The following POLA1 variants were observed in gnomAD, a reference collection of about 807,000 sequenced individuals.
The protein encoded by POLA1 is DNA polymerase alpha catalytic subunit.
POLA1 carries 15 observed loss-of-function variants against 124.0 expected under a neutral mutation model. The observed-to-expected ratio is 0.12, with a 90% CI of 0.08 to 0.19. The LOEUF is 0.19. Among genes scored for constraint, POLA1 ranks in the 10% least tolerant of loss-of-function variants. POLA1 has a pLI of 1.00. For missense variants in POLA1, 886 were observed against 1,103.4 expected (o/e 0.80, Z 2.79); for synonymous variants, 408 against 389.4 (o/e 1.05, Z -0.56).
chrX:24,767,864 G>A (rs1328491778), intron 26 of POLA1, among the ~76,000 whole-genome samples: 1 of 112,122 alleles, frequency 8.9e-6, no homozygotes, highest in Non-Finnish European at 1.9e-5. Flanking sequence ...GACTTTGCTT[G>A]ATTGTGTGGC....
chrX:24,742,129 C>T lies in POLA1; in HGVS notation c.2466+8C>T. On this transcript the variant is annotated splice_region_variant and intron_variant, in intron 22 of 36. Coordinates refer to ENST00000379068, the MANE Select transcript of POLA1 (RefSeq NM_001330360.2). ...AAGCCTCAGCAAAAACTGGTGGGTCCAAAACTGTGTAGTATTTTGTTTTCT... is the reference window on the plus strand; with the variant it reads ...AAGCCTCAGCAAAAACTGGTGGGTCTAAAACTGTGTAGTATTTTGTTTTCT... 8.5e-7 allele frequency: 1 copy of T among 1,176,188 alleles called. No individual in the cohort carries two copies. The highest frequency in any genetic ancestry group is 1.1e-6 in the Non-Finnish European group (1 of 872,730).
At chrX:24,913,367 C>T (rs2047478264) in intron 35 of POLA1, among the ~76,000 whole-genome samples, 2 of 111,368 alleles carry the variant, frequency 1.8e-5, no homozygotes, top group South Asian at 7.6e-4. Context: ...GTGTTTGAAG[C>T]ATGGTGGGAC....
chrX:24,913,475 G>C (rs771467064), intron 35 of POLA1, among the ~76,000 whole-genome samples: 2 of 110,469 alleles, frequency 1.8e-5, no homozygotes, highest in East Asian at 5.7e-4. Context: ...ACTTTGGGAG[G>C]CCGAGGCGGG....
chrX:24,865,926 CTTTGA>C (rs1230251449), intron 34 of POLA1, among the ~76,000 whole-genome samples: 4 of 111,349 alleles, frequency 3.6e-5, no homozygotes, highest in Non-Finnish European at 7.6e-5. Flanking sequence ...ATGAAAAGAA[CTTTGA>C]TTTGATGAGC....
In POLA1 at chrX:24,748,272, A is replaced by G. The variant is rs755018881; in HGVS notation, c.2692-39A>G. The G allele has an allele frequency of 1.8e-5, 20 of 1,093,285 alleles. No homozygotes were observed. The Admixed American group carries it at 5.6e-4, about 30-fold the overall frequency. The allele number at this position is 1,093,285 out of a possible 1,213,427, so 90.1% of individuals were successfully genotyped here. A position where few individuals can be genotyped will look rare whatever the true frequency, so the allele number is the denominator to read the frequency against. Reference sequence around the variant, plus strand: ...TATTACTGTAGAAATTTATTTCGCAAAAGTTTGATTTGTGTGAAATTTGTT... The same window carrying G: ...TATTACTGTAGAAATTTATTTCGCAGAAGTTTGATTTGTGTGAAATTTGTT... On this transcript the variant is annotated intron_variant, in intron 24 of 36. Coordinates refer to ENST00000379068, the MANE Select transcript of POLA1 (RefSeq NM_001330360.2).
chrX:24,929,560 G>T (rs137975698), intron 35 of POLA1, among the ~76,000 whole-genome samples: 1 of 112,154 alleles, frequency 8.9e-6, no homozygotes, highest in African/African-American at 3.2e-5. Context: ...TCCCCAGCTC[G>T]CAAGTTTCCC....
At chrX:24,890,572 G>A (rs761889873) in intron 35 of POLA1, among the ~76,000 whole-genome samples, 37 of 112,019 alleles carry the variant, frequency 3.3e-4, no homozygotes, top group Non-Finnish European at 5.8e-4. Flanking sequence ...ATACAATATG[G>A]TCATGATTTA....
At chrX:24,929,285 A>G (rs2047738997) in intron 35 of POLA1, among the ~76,000 whole-genome samples, 1 of 112,062 alleles carries the variant, frequency 8.9e-6, no homozygotes. Flanking sequence ...TATTTACATG[A>G]TAGTCTGTGT....
chrX:24,931,486 A>G (rs182506315), intron 36 of POLA1, among the ~76,000 whole-genome samples: 4 of 112,019 alleles, frequency 3.6e-5, no homozygotes, highest in African/African-American at 1.3e-4. Flanking sequence ...AAGATAGGCT[A>G]GAAATTATTT....
rs1929840319 is a variant in POLA1 at position 24,716,385 on chromosome X, T to C, written c.549T>C (p.Pro183=). The C allele has an allele frequency of 3.4e-6, 4 of 1,175,810 alleles. No individual in the cohort carries two copies. In the African/African-American group the frequency reaches 5.3e-5, roughly 15 times the overall value. ...NTETPQITPP[P]VMILKKKRSI... is the part of the protein sequence containing the mutation. ...AGACACCTCAAATAACTCCACCACC[T>C]GTAATGATACTGAAGAAGAAAAGAT... Residue 183 remains proline, a synonymous_variant, in exon 7 of 37, where the codon CCT becomes CCC. Transcript: ENST00000379068.
chrX:24,727,581 G>C lies in POLA1; in HGVS notation c.1532-201G>C, dbSNP rs1416815103. ...TGAAAGCTATAGACCTCTTTCCCAG[G>C]AAAATGAACATATGTACACACACGT... On this transcript the variant is annotated intron_variant, in intron 14 of 36. Transcript: ENST00000379068. 1.8e-5 allele frequency among the ~76,000 whole-genome samples: 2 copies of C among 111,797 alleles called. 1 individual carries two copies. The highest frequency in any genetic ancestry group is 5.6e-4 in the East Asian group (2 of 3,600).
chrX:24,883,308 CTG>C (rs759385408), intron 34 of POLA1, among the ~76,000 whole-genome samples: 1 of 112,364 alleles, frequency 8.9e-6, no homozygotes, highest in Non-Finnish European at 1.9e-5. Flanking sequence ...TCTGTTTACT[CTG>C]TTGATAGTTT....
At chrX:24,775,169 G>A (rs1195092350) in intron 26 of POLA1, 2 of 111,025 alleles carry the variant, frequency 1.8e-5, no homozygotes, top group African/African-American at 6.6e-5. Context: ...TCCACTCCAT[G>A]TTTTTTAATG....
chrX:24,742,879 T>A (rs897827523), intron 22 of POLA1, among the ~76,000 whole-genome samples: 10 of 112,019 alleles, frequency 8.9e-5, no homozygotes, highest in Admixed American at 1.9e-4. Context: ...GTTAGAGTAG[T>A]GATTTTAAGA....
chrX:24,888,604 T>G (rs1212270060), intron 35 of POLA1, among the ~76,000 whole-genome samples: 2 of 80,960 alleles, frequency 2.5e-5, no homozygotes, highest in Non-Finnish European at 4.3e-5. Context: ...TTGCTTGTTT[T>G]TTTTTTTTTT....
At chrX:24,978,187 A>G (rs766677247) in intron 36 of POLA1, among the ~76,000 whole-genome samples, 2 of 111,902 alleles carry the variant, frequency 1.8e-5, no homozygotes, top group Admixed American at 9.5e-5. Flanking sequence ...AGAGTTTTCA[A>G]TGTAGGCTTT....
At chrX:24,920,352 C>T (rs1326972231) in intron 35 of POLA1, among the ~76,000 whole-genome samples, 2 of 111,374 alleles carry the variant, frequency 1.8e-5, no homozygotes, top group African/African-American at 6.5e-5. Flanking sequence ...AGCCCGCAGG[C>T]CCATGACCTT....
At chrX:24,844,894 C>T (rs1430002662) in intron 34 of POLA1, among the ~76,000 whole-genome samples, 1 of 111,502 alleles carries the variant, frequency 9.0e-6, no homozygotes, top group Non-Finnish European at 1.9e-5. Context: ...TTCAGCTCCT[C>T]ATTTACAGGC....
rs1932137337 is a variant in POLA1 at position 24,748,329 on chromosome X, A to G, written c.2710A>G (p.Ile904Val). The G allele has an allele frequency of 8.4e-7, 1 of 1,195,663 alleles. No homozygotes were observed. The highest frequency in any genetic ancestry group is 1.1e-6 in the Non-Finnish European group (1 of 883,491). ...TTATCAGGATGGAGAACAAGAACAG[A>G]TCCCTGAGTTGCCAGATCCAAGCTT... ...KVTEDGEQEQ[I>V]PELPDPSLEM... Residue 904 changes from isoleucine to valine, a missense_variant, in exon 25 of 37, where the codon ATC becomes GTC. By Grantham distance (29) the Ile-to-Val change is conservative. This residue lies in a region of POLA1 where 182 missense variants were observed against 252.8 expected (regional missense o/e 0.72). Transcript: ENST00000379068.
Sources: allele counts gnomAD v4.1 joint callset (sites outside exome capture counted in the v4.1 genomes callset), GRCh38; gene constraint gnomAD v4.1.1; regional missense constraint gnomAD v4.1.1; transcripts MANE v1.5; gene names NCBI Gene and HGNC (gene_info 2026-07-23, HGNC 2026-07-21).